The following SEC24D variants were observed in gnomAD, a reference collection of about 807,000 sequenced individuals.
SEC24D encodes the protein SEC24 homolog D, COPII component, also known as protein transport protein Sec24D.
SEC24D carries 69 observed loss-of-function variants against 116.9 expected under a neutral mutation model. That is an observed-to-expected ratio of 0.59 (90% CI 0.49 to 0.72). The LOEUF (loss-of-function observed/expected upper bound fraction) is 0.72. Ranked by LOEUF, SEC24D falls within the 30% of genes least tolerant of loss-of-function variation. The pLI, the probability that SEC24D is intolerant of heterozygous loss-of-function variation, is 0.00. For missense variants in SEC24D, 1,131 were observed against 1,264.1 expected, an observed-to-expected ratio of 0.89 and a Z score of 1.60; for synonymous variants, 405 against 442.8, an observed-to-expected ratio of 0.91 and a Z score of 1.07.
At chr4:118,784,363 G>C (rs1728567166) in intron 8 of SEC24D, among the ~76,000 whole-genome samples, 1 of 152,102 alleles carries the variant, frequency 6.6e-6, no homozygotes. Context: ...ATGCTTTTCT[G>C]TAAGAAAGAA....
At chr4:118,806,851 G>A (rs1007993981) in intron 6 of SEC24D, among the ~76,000 whole-genome samples, 1 of 151,960 alleles carries the variant, frequency 6.6e-6, no homozygotes, top group African/African-American at 2.4e-5. Context: ...GCCAGGCATG[G>A]TGGCACCTGA....
chr4:118,732,933 T>C (rs200946008), intron 19 of SEC24D, 21 bp from the exon 20 acceptor site: 2 of 1,597,424 alleles, frequency 1.3e-6, no homozygotes, highest in Admixed American at 1.7e-5. Flanking sequence ...CAATTTTTTG[T>C]TTCATACGCT....
chr4:118,777,476 T>C (rs898850341), intron 8 of SEC24D, among the ~76,000 whole-genome samples: 13 of 152,214 alleles, frequency 8.5e-5, no homozygotes, highest in African/African-American at 3.1e-4. Flanking sequence ...TAGTATTCCA[T>C]GGTGTAGCCA....
intron 8 of SEC24D, among the ~76,000 whole-genome samples, chr4:118,789,615 T>C (rs28408991): frequency 0.01 from 1,568 of 152,356 alleles, 24 homozygotes; most frequent in African/African-American, 0.036. Flanking sequence ...GATGGAGTCT[T>C]ACTCTGTCAC....
chr4:118,829,658 C>T (rs776419032), intron 2 of SEC24D, among the ~76,000 whole-genome samples: 31 of 152,022 alleles, frequency 2.0e-4, no homozygotes, highest in Admixed American at 7.2e-4. Context: ...ACTAAAAATA[C>T]AAAATTAGCC....
intron 6 of SEC24D, among the ~76,000 whole-genome samples, chr4:118,807,191 G>C (rs943351645): frequency 6.6e-6 from 1 of 152,146 alleles, no homozygotes; most frequent in African/African-American, 2.4e-5. Flanking sequence ...ATGGTATAAA[G>C]CAATCCCATG....
intron 8 of SEC24D, among the ~76,000 whole-genome samples, chr4:118,785,969 T>C (rs1441214601): frequency 1.3e-5 from 2 of 152,214 alleles, no homozygotes; most frequent in South Asian, 2.1e-4. Flanking sequence ...TGATATTGTA[T>C]AGCAAATAAT....
rs1248041780 is a variant in SEC24D, at chr4:118,786,845, C to T, written c.1041+10838G>A. ...GGCAAGGAAGGTCATCAAACCCACA[C>T]TTTCTGAAAATTCACTGAAAATTAA... is the stretch of plus-strand genomic sequence containing the variant. On this transcript the variant is annotated intron_variant, in intron 8 of 22. Transcript: ENST00000280551. 3.9e-5 allele frequency among the ~76,000 whole-genome samples: 6 copies of T among 152,256 alleles called. No individual in the cohort carries two copies. In the East Asian group the frequency reaches 1.2e-3, roughly 29 times the overall value.
rs114772582 is a variant in SEC24D, at chr4:118,813,376, A to G, written c.801+1652T>C. ...TAACACCTGAAACAGTAATTTATAA[A>G]GAAAAGACATTTATTTCTTATAGCT... On this transcript the variant is annotated intron_variant, in intron 6 of 22. Coordinates refer to ENST00000280551, the MANE Select transcript of SEC24D (RefSeq NM_014822.4). 3.1e-3 allele frequency among the ~76,000 whole-genome samples: 471 copies of G among 152,344 alleles called. 3 individuals carry two copies. Among genetic ancestry groups the G allele is most frequent in the African/African-American group, 0.011 (448 of 41,572 alleles).
chr4:118,756,535 T>C (rs1727106066), intron 11 of SEC24D, among the ~76,000 whole-genome samples: 1 of 152,186 alleles, frequency 6.6e-6, no homozygotes. Context: ...ACCAGTCATA[T>C]GTGCAAAGAA....
At chr4:118,827,493 C>A (rs1730636770) in intron 2 of SEC24D, among the ~76,000 whole-genome samples, 1 of 152,180 alleles carries the variant, frequency 6.6e-6, no homozygotes, top group South Asian at 2.1e-4. Context: ...GCGGCAGATA[C>A]CATGGACCAG....
chr4:118,766,607 T>C (rs1421916684), intron 9 of SEC24D: 1 of 152,202 alleles, frequency 6.6e-6, no homozygotes, highest in Admixed American at 6.5e-5. Flanking sequence ...CTGGGCCTTT[T>C]AAGGCCCTGA....
chr4:118,739,070 A>G, intron 18 of SEC24D, 79 bp downstream of exon 18: 1 of 1,442,526 alleles, frequency 6.9e-7, no homozygotes, highest in Non-Finnish European at 9.7e-7. Flanking sequence ...GCAAAACTAC[A>G]GTGCTTTTTA....
chr4:118,787,071 G>A (rs1339100882), intron 8 of SEC24D, among the ~76,000 whole-genome samples: 1 of 152,176 alleles, frequency 6.6e-6, no homozygotes, highest in Non-Finnish European at 1.5e-5. Context: ...TATAAGGCTA[G>A]AACACTGTTC....
At chr4:118,833,418 G>T in intron 2 of SEC24D, 161 bp downstream of exon 2, 1 of 558,698 alleles carries the variant, frequency 1.8e-6, no homozygotes, top group South Asian at 2.8e-5. Context: ...TAGTGATGTA[G>T]AGTTCTGCTA....
At chr4:118,763,780 T>C (rs1284834733) in intron 10 of SEC24D, among the ~76,000 whole-genome samples, 1 of 152,074 alleles carries the variant, frequency 6.6e-6, no homozygotes, top group Non-Finnish European at 1.5e-5. Context: ...TGGCAGATAG[T>C]GTGGTAAATG....
At position 118,738,339 on chromosome 4, in the gene SEC24D, C is replaced by T. The variant is rs1726067296; in HGVS notation, c.2418G>A (p.Arg806=). The change falls in exon 19 of 23, where the codon CGG becomes CGA. Residue 806 remains arginine, a synonymous_variant. Coordinates refer to ENST00000280551, the MANE Select transcript of SEC24D (RefSeq NM_014822.4). The part of the protein sequence containing the change: ...AVLHQPLKVI[R]EILVNQTAHM... ...GGGCAGTCTGATTAACTAGAATTTCCCGGATGACCTTCAAAGGCTGGTGGA... is the reference window on the plus strand; with the variant it reads ...GGGCAGTCTGATTAACTAGAATTTCTCGGATGACCTTCAAAGGCTGGTGGA... The T allele has an allele frequency of 6.2e-7, 1 of 1,613,522 alleles. No individual in the cohort carries two copies. The highest frequency in any genetic ancestry group is 2.2e-5 in the East Asian group (1 of 44,854).
At chr4:118,820,338 A>G (rs138420320) in intron 3 of SEC24D, among the ~76,000 whole-genome samples, 6,641 of 151,884 alleles carry the variant, frequency 0.044, 202 homozygotes, top group Non-Finnish European at 0.064. Flanking sequence ...GCAGCACCAC[A>G]CCCAGCTAAT....
chr4:118,833,472 TTATATAATG>T, intron 2 of SEC24D, 98 bp downstream of exon 2: 1 of 734,218 alleles, frequency 1.4e-6, no homozygotes, highest in African/African-American at 1.8e-5. Context: ...AGCCATTTCA[TTATATAATG>T]ATCATTCAAT....
Sources: gnomAD v4.1 joint callset for allele counts (sites outside exome capture counted in the v4.1 genomes callset) on GRCh38, gnomAD v4.1.1 for gene constraint, MANE v1.5 for transcripts, NCBI Gene and HGNC (gene_info 2026-07-23, HGNC 2026-07-21) for gene names.